Variants in MYL3 observed in about 807,000 individuals in gnomAD.
MYL3 encodes myosin light chain 3.
A neutral mutation model predicts 21.3 loss-of-function variants in MYL3; 11 were observed. The observed-to-expected ratio is 0.52, with a 90% CI of 0.32 to 0.85. MYL3 has a LOEUF of 0.85. MYL3 is among the 40% of genes least tolerant of loss of function. The pLI is 0.03. For synonymous variants in MYL3, 88 were observed against 91.6 expected, an observed-to-expected ratio of 0.96 and a Z score of 0.22; for missense variants, 206 against 253.3, an observed-to-expected ratio of 0.81 and a Z score of 1.27.
chr3:46,865,763 T>C (rs1212157659), upstream of MYL3, among the ~76,000 whole-genome samples: 4 of 152,052 alleles, frequency 2.6e-5, no homozygotes, highest in Non-Finnish European at 5.9e-5. This position sits in a 1 kb window ranked among gnomAD's most constrained non-coding sequence, Gnocchi z 4.3. Flanking sequence ...TCCACCTGTG[T>C]GTGGCAGAGT....
In MYL3 at chr3:46,859,700, C is replaced by T. The variant is rs1701970029; in HGVS notation, c.308-52G>A. ...GGGTCTAAGGCTGGGGTGGGCACAC[C>T]CCTCCCCCATGCCTGATAATGAGGA... On this transcript the variant is annotated intron_variant, in intron 3 of 6. Transcript: ENST00000292327. This position sits in a 1 kb window ranked among gnomAD's most constrained non-coding sequence, Gnocchi z 4.1. 3 of 1,601,186 alleles carry T rather than the reference C, an allele frequency of 1.9e-6. No homozygotes were observed. Among genetic ancestry groups the T allele is most frequent in the Non-Finnish European group, 2.6e-6 (3 of 1,168,516 alleles).
chr3:46,864,788 C>A (rs1473133593), upstream of MYL3, among the ~76,000 whole-genome samples: 1 of 152,236 alleles, frequency 6.6e-6, no homozygotes, highest in African/African-American at 2.4e-5. This position sits in a 1 kb window ranked among gnomAD's most constrained non-coding sequence, Gnocchi z 4.7. Context: ...AGGGTCCATC[C>A]CAAGCCCAGC....
Position 46,859,490 on chromosome 3 carries a change from C to G in MYL3, c.466G>C (p.Val156Leu), listed in dbSNP as rs199474707. 6.2e-7 allele frequency: 1 copy of G among 1,614,182 alleles called. No homozygotes were observed. Among genetic ancestry groups the G allele is most frequent in the East Asian group, 2.2e-5 (1 of 44,876 alleles). Residue 156 changes from valine (V) to leucine (L), a missense_variant, in exon 4 of 7, where the codon GTG becomes CTG. Transcript: ENST00000292327. This position sits in a 1 kb window ranked among gnomAD's most constrained non-coding sequence, Gnocchi z 4.1. ...CTGCCCTCACCCAGCGTGGCCAGCA[C>G]GTGGCGAAGCTCAGCACCCATGACA... ...GTVMGAELRHVLATLGERLTE... is the reference protein window; with the variant it reads ...GTVMGAELRHLLATLGERLTE...
At chr3:46,858,546 G>T in intron 4 of MYL3, 85 bp from the exon 5 acceptor site, 1 of 1,321,344 alleles carries the variant, frequency 7.6e-7, no homozygotes, top group Admixed American at 1.8e-5. Context: ...TCTAGATGGT[G>T]GCTCAACCTC....
In MYL3 at chr3:46,860,285, T is replaced by C. The variant is rs1379055844; in HGVS notation, c.307+391A>G. ...CTGGGACCATAGGTGCATGTCACCA[T>C]GCCAAGCTAAATTTTTAATTTTTGT... On this transcript the variant is annotated intron_variant, in intron 3 of 6. Coordinates refer to ENST00000292327, the MANE Select transcript of MYL3 (RefSeq NM_000258.3). This position sits in a 1 kb window ranked among gnomAD's most constrained non-coding sequence, Gnocchi z 4.6. Among the ~76,000 whole-genome samples the C allele has an allele frequency of 1.3e-5, 2 of 152,130 alleles. No individual in the cohort carries two copies. The highest frequency in any genetic ancestry group is 4.8e-5 in the African/African-American group (2 of 41,420).
At chr3:46,863,048 A>G (rs1289804837) in intron 1 of MYL3, among the ~76,000 whole-genome samples, 1 of 152,212 alleles carries the variant, frequency 6.6e-6, no homozygotes, top group African/African-American at 2.4e-5. Context: ...TCTCAGCAGC[A>G]CCAGAGGAGT....
upstream of MYL3, among the ~76,000 whole-genome samples, chr3:46,863,767 C>T (rs2233263): frequency 0.022 from 3,360 of 152,238 alleles, 69 homozygotes; most frequent in South Asian, 0.099. Flanking sequence ...TCTGCAGGTC[C>T]GTAAGTTGAA....
chr3:46,873,777 G>C (rs1436984500), intron 1 of MYL3, among the ~76,000 whole-genome samples: 2 of 152,286 alleles, frequency 1.3e-5, no homozygotes, highest in East Asian at 3.9e-4. Flanking sequence ...CTAGACCACT[G>C]ACCTCCCCAA....
At chr3:46,868,847 T>C (rs1490346248) in intron 1 of MYL3, among the ~76,000 whole-genome samples, 2 of 152,150 alleles carry the variant, frequency 1.3e-5, no homozygotes, top group African/African-American at 4.8e-5. Flanking sequence ...TGCACCCCTG[T>C]TTAGTCCAAA....
rs1296967489 is a variant in MYL3 at position 46,879,414 on chromosome 3, T to G, written c.-218+2660A>C. Reference sequence around the variant, plus strand: ...GGGGGAAAGCAGGGTGGAAGATCAGTGGTCACAGAACCATAAAACTTAGAG... The same window carrying G: ...GGGGGAAAGCAGGGTGGAAGATCAGGGGTCACAGAACCATAAAACTTAGAG... On this transcript the variant is annotated intron_variant, in intron 1 of 3. Transcript: ENST00000431168. The surrounding 1 kb of genome is among the most constrained non-coding windows in gnomAD (Gnocchi z 4.7). 6.6e-6 allele frequency among the ~76,000 whole-genome samples: 1 copy of G among 152,164 alleles called. No individual in the cohort carries two copies. The highest frequency in any genetic ancestry group is 1.9e-4 in the East Asian group (1 of 5,194).
intron 1 of MYL3, among the ~76,000 whole-genome samples, chr3:46,870,957 A>C (rs776183456): frequency 1.6e-4 from 24 of 152,086 alleles, no homozygotes; most frequent in Admixed American, 4.6e-4. Context: ...TTTACCATAT[A>C]TCCTCATGCT....
chr3:46,872,253 C>G (rs2029958479), intron 1 of MYL3, among the ~76,000 whole-genome samples: 1 of 152,198 alleles, frequency 6.6e-6, no homozygotes, highest in African/African-American at 2.4e-5. Flanking sequence ...TCTGCATAAA[C>G]AGAGGGGCTC....
chr3:46,869,198 C>T (rs1279866540), intron 1 of MYL3, among the ~76,000 whole-genome samples: 1 of 152,154 alleles, frequency 6.6e-6, no homozygotes, highest in Non-Finnish European at 1.5e-5. Flanking sequence ...CTGTACTCTC[C>T]CACCAGCAGC....
chr3:46,864,978 T>C (rs1364276857), upstream of MYL3, among the ~76,000 whole-genome samples: 1 of 152,200 alleles, frequency 6.6e-6, no homozygotes, highest in Non-Finnish European at 1.5e-5. This position sits in a 1 kb window ranked among gnomAD's most constrained non-coding sequence, Gnocchi z 4.7. Flanking sequence ...AAGGAGGTGC[T>C]CCTGGTTACT....
chr3:46,868,121 C>T (rs1310517950), upstream of MYL3, among the ~76,000 whole-genome samples: 6 of 152,316 alleles, frequency 3.9e-5, no homozygotes, highest in East Asian at 1.9e-4. Flanking sequence ...CCAGCAAAGC[C>T]GCTCTGCCAC....
At chr3:46,873,261 G>C (rs926285562) in intron 1 of MYL3, among the ~76,000 whole-genome samples, 1 of 152,242 alleles carries the variant, frequency 6.6e-6, no homozygotes, top group Admixed American at 6.5e-5. Context: ...GAAGTGCAGG[G>C]GCAGAGGCCA....
intron 1 of MYL3, among the ~76,000 whole-genome samples, chr3:46,877,104 C>T (rs1288555359): frequency 6.6e-6 from 1 of 152,128 alleles, no homozygotes; most frequent in Non-Finnish European, 1.5e-5. Context: ...TGGCTGACTC[C>T]TCACCAGGAG....
chr3:46,876,769 G>T (rs2030243516), intron 1 of MYL3, among the ~76,000 whole-genome samples: 1 of 152,178 alleles, frequency 6.6e-6, no homozygotes, highest in Non-Finnish European at 1.5e-5. Flanking sequence ...CTGAGTGGCA[G>T]CTGCCACGTG....
In MYL3 at chr3:46,858,471, G is replaced by C. The variant is rs567723663; in HGVS notation, c.482-10C>G. The C allele has an allele frequency of 6.2e-7, 1 of 1,611,996 alleles. No individual in the cohort carries two copies. The highest frequency in any genetic ancestry group is 1.3e-5 in the African/African-American group (1 of 75,038). On this transcript the variant is annotated splice_polypyrimidine_tract_variant and intron_variant, in intron 4 of 6. Coordinates refer to ENST00000292327, the MANE Select transcript of MYL3 (RefSeq NM_000258.3). ...TCTGTCAGCCTCTCACCTGGCAGGA[G>C]TGGGAGGCTGAGTCAGCACCGTGCG...
Sources: gnomAD v4.1 joint callset for allele counts (sites outside exome capture counted in the v4.1 genomes callset) on GRCh38, gnomAD v4.1.1 for gene constraint, Gnocchi (gnomAD v3.1) non-coding constraint, MANE v1.5 for transcripts, NCBI Gene and HGNC (gene_info 2026-07-23, HGNC 2026-07-21) for gene names.